Variants in ALDOB observed in about 807,000 individuals in gnomAD.
The protein encoded by ALDOB is fructose-bisphosphate aldolase B.
A neutral mutation model predicts 41.0 loss-of-function variants in ALDOB; 39 were observed. The ratio of observed to expected loss-of-function variants is 0.95; its 90% CI spans 0.74 to 1.24. ALDOB has a LOEUF of 1.24. ALDOB is among the 50% of genes most tolerant of loss of function. The pLI is 0.00. For synonymous variants in ALDOB, 175 were observed against 168.8 expected (o/e 1.04, Z -0.28); for missense variants, 530 against 457.3 (o/e 1.16, Z -1.45).
At chr9:101,421,993 C>T (rs1564076566) in intron 8 of ALDOB, 89 bp from the exon 9 acceptor site, 2 of 1,076,172 alleles carry the variant, frequency 1.9e-6, no homozygotes, top group Non-Finnish European at 2.8e-6. Flanking sequence ...ACCAGTCAAA[C>T]CTTCACTCAG....
intron 3 of ALDOB, among the ~76,000 whole-genome samples, 193 bp downstream of exon 3, chr9:101,429,562 T>C (rs987065835): frequency 6.6e-6 from 1 of 151,982 alleles, no homozygotes; most frequent in Non-Finnish European, 1.5e-5. Context: ...TGTAGAAAAT[T>C]TGAGTGAAAG....
intron 2 of ALDOB, 64 bp from the exon 3 acceptor site, chr9:101,430,030 A>G (rs1831195070): frequency 7.2e-7 from 1 of 1,383,902 alleles, no homozygotes; most frequent in Non-Finnish European, 1.0e-6. Context: ...ACCCTTCTCC[A>G]CATCATCTCA....
chr9:101,427,634 C>T lies in ALDOB; in HGVS notation c.388G>A (p.Gly130Ser). The T allele has an allele frequency of 6.2e-7, 1 of 1,614,098 alleles. No individual in the cohort carries two copies. Among genetic ancestry groups the T allele is most frequent in the Non-Finnish European group, 8.5e-7 (1 of 1,180,024 alleles). The change falls in exon 5 of 9, where the codon GGC (glycine) becomes AGC (serine). Residue 130 changes from glycine to serine, a missense_variant. Physicochemically the swap from Gly to Ser is moderately conservative, Grantham distance 56. Coordinates refer to ENST00000647789, the MANE Select transcript of ALDOB (RefSeq NM_000035.4). ...TACTGAGCACAGCGCTCTGAGAGGCCATCAAGCCCTGCAAGTCACAAAAGA... is the reference window on the plus strand; with the variant it reads ...TACTGAGCACAGCGCTCTGAGAGGCTATCAAGCCCTGCAAGTCACAAAAGA... ...NKETTIQGLD[G>S]LSERCAQYKK... is the part of the protein sequence containing the mutation.
intron 1 of ALDOB, among the ~76,000 whole-genome samples, chr9:101,432,993 T>G (rs1238362216): frequency 3.3e-5 from 5 of 152,248 alleles, no homozygotes; most frequent in Admixed American, 6.5e-5. Flanking sequence ...CAGCTCTGCC[T>G]AATCTAGCTG....
intron 1 of ALDOB, among the ~76,000 whole-genome samples, chr9:101,432,328 C>T (rs917115064): frequency 2.6e-5 from 4 of 152,094 alleles, no homozygotes; most frequent in East Asian, 1.9e-4. Flanking sequence ...CTTCTAAGGC[C>T]CATTATGTCC....
chr9:101,431,861 C>G (rs563829388), intron 1 of ALDOB, among the ~76,000 whole-genome samples: 3 of 152,168 alleles, frequency 2.0e-5, no homozygotes, highest in Non-Finnish European at 4.4e-5. Context: ...TTCTCTCCCT[C>G]CAATACACTC....
Position 101,429,792 on chromosome 9 carries a change from T to C in ALDOB, c.287A>G (p.Asn96Ser), listed in dbSNP as rs1479978704. The change falls in exon 3 of 9, where the codon AAC (asparagine) becomes AGC (serine). Residue 96 changes from asparagine to serine, a missense_variant. Physicochemically the swap from Asn to Ser is conservative, Grantham distance 46. Transcript: ENST00000647789. The stretch of plus-strand genomic sequence containing the variant: ...CACGATCCCCTTTTCCTTGAGGATG[T>C]TTCTGAACAGCTTTCCCTGGCTGTC... ...QKDSQGKLFR[N>S]ILKEKGIVVG... 6.2e-7 allele frequency: 1 copy of C among 1,614,154 alleles called. No homozygotes were observed. The highest frequency in any genetic ancestry group is 1.1e-5 in the South Asian group (1 of 91,074).
At position 101,423,123 on chromosome 9, in the gene ALDOB, A is replaced by G. The variant is rs191528434; in HGVS notation, c.1000-1219T>C. Among the ~76,000 whole-genome samples the G allele has an allele frequency of 1.0e-3, 159 of 152,286 alleles. 1 individual carries two copies. Among genetic ancestry groups the G allele is most frequent in the African/African-American group, 3.7e-3 (154 of 41,556 alleles). On this transcript the variant is annotated intron_variant, in intron 8 of 8. Transcript: ENST00000647789. Reference sequence around the variant, plus strand: ...GCACCCTGCTTTCCACAGTCAAGGTAAAGCACTACTTTGAAAATCTGATAC... The same window carrying G: ...GCACCCTGCTTTCCACAGTCAAGGTGAAGCACTACTTTGAAAATCTGATAC...
Position 101,420,629 on chromosome 9 carries a change from T to C in ALDOB, c.*1180A>G, listed in dbSNP as rs1287828740. ...TTTTTATGATTTACATCCATTTCTT[T>C]TATTACTTAAATAGAATTAAAGCAC... On this transcript the variant is annotated 3_prime_UTR_variant, in exon 9 of 9. Transcript: ENST00000647789. 1 of 152,184 alleles carries C rather than the reference T, an allele frequency of 6.6e-6. No homozygotes were observed. Among genetic ancestry groups the C allele is most frequent in the African/African-American group, 2.4e-5 (1 of 41,454 alleles). 9.4% of individuals were successfully genotyped at this position (152,184 alleles called of 1,614,324 possible).
chr9:101,433,275 T>A (rs575326742), intron 1 of ALDOB, among the ~76,000 whole-genome samples: 1 of 152,364 alleles, frequency 6.6e-6, no homozygotes, highest in Non-Finnish European at 1.5e-5. Flanking sequence ...TACTGCCTAT[T>A]ACTAAACTAT....
At chr9:101,426,756 A>G in intron 5 of ALDOB, 118 bp from the exon 6 acceptor site, 1 of 726,754 alleles carries the variant, frequency 1.4e-6, no homozygotes, top group Non-Finnish European at 2.5e-6. Flanking sequence ...GAAATACTAC[A>G]TAGATGACTT....
intron 5 of ALDOB, 50 bp downstream of exon 5, chr9:101,427,419 AAAGAAAAGCTCTG>A: frequency 6.3e-7 from 1 of 1,592,562 alleles, no homozygotes; most frequent in Non-Finnish European, 8.6e-7. Context: ...GTATAATTGA[AAAGAAAAGCTCTG>A]AAGAAAACTC....
chr9:101,430,668 G>T, intron 2 of ALDOB, 108 bp downstream of exon 2: 4 of 856,178 alleles, frequency 4.7e-6, no homozygotes, highest in Non-Finnish European at 3.8e-6. Context: ...TCCCACTCCC[G>T]TGTACATAAA....
At position 101,425,494 on chromosome 9, in the gene ALDOB, G is replaced by A. The variant is rs764927361; in HGVS notation, c.758C>T (p.Thr253Ile). 3.1e-6 allele frequency: 5 copies of A among 1,614,162 alleles called. No homozygotes were observed. The highest frequency in any genetic ancestry group is 1.3e-5 in the African/African-American group (1 of 75,046). The change falls in exon 7 of 9, where the codon ACC becomes ATC. Residue 253 changes from threonine to isoleucine, a missense_variant. Thr to Ile is a moderately conservative substitution (Grantham distance 89). Coordinates refer to ENST00000647789, the MANE Select transcript of ALDOB (RefSeq NM_000035.4). ...AACAGTACGGTGGAGAGCTGTTACG[G>A]TGGCCATAGCTACTTGTTCTGGAGT... ...KYTPEQVAMA[T>I]VTALHRTVPA... is the part of the protein sequence containing the mutation.
Position 101,421,488 on chromosome 9 carries a change from G to T in ALDOB, c.*321C>A. 1 of 406,046 alleles carries T rather than the reference G, an allele frequency of 2.5e-6. No homozygotes were observed. The highest frequency in any genetic ancestry group is 4.7e-6 in the Non-Finnish European group (1 of 214,790). The allele number at this position is 406,046 out of a possible 1,614,324, so 25.2% of individuals were successfully genotyped here. A position where few individuals can be genotyped will look rare whatever the true frequency, so the allele number is the denominator to read the frequency against. On this transcript the variant is annotated 3_prime_UTR_variant, in exon 9 of 9. Coordinates refer to ENST00000647789, the MANE Select transcript of ALDOB (RefSeq NM_000035.4). ...CTTCTCTACACTCAGCTAATGAGGTGTTTCAATCAGCAGTTGTTCTTTGGA... is the reference window on the plus strand; with the variant it reads ...CTTCTCTACACTCAGCTAATGAGGTTTTTCAATCAGCAGTTGTTCTTTGGA...
rs747298536 is a variant in ALDOB at position 101,426,607 on chromosome 9, A to G, written c.572T>C (p.Val191Ala). Reference protein sequence around the residue: ...NGLVPIVEPEVIPDGDHDLEH... With the variant: ...NGLVPIVEPEAIPDGDHDLEH... ...CAGGTCATGGTCTCCATCAGGAATTACCTCTGGTTCAACAATAGGTACCAG... is the reference window on the plus strand; with the variant it reads ...CAGGTCATGGTCTCCATCAGGAATTGCCTCTGGTTCAACAATAGGTACCAG... The change falls in exon 6 of 9, where the codon GTA (valine) becomes GCA (alanine). Residue 191 changes from valine (V) to alanine (A), a missense_variant. By Grantham distance (64) the Val-to-Ala change is moderately conservative. Coordinates refer to ENST00000647789, the MANE Select transcript of ALDOB (RefSeq NM_000035.4). 6.2e-7 allele frequency: 1 copy of G among 1,613,064 alleles called. No individual in the cohort carries two copies. Among genetic ancestry groups the G allele is most frequent in the African/African-American group, 1.3e-5 (1 of 74,910 alleles).
intron 2 of ALDOB, 68 bp from the exon 3 acceptor site, chr9:101,430,034 CAT>C: frequency 7.6e-7 from 1 of 1,320,916 alleles, no homozygotes; most frequent in Non-Finnish European, 1.1e-6. Flanking sequence ...TTCTCCACAT[CAT>C]CTCAGAGACC....
chr9:101,424,091 T>C (rs1244111387), intron 8 of ALDOB, among the ~76,000 whole-genome samples: 1 of 152,072 alleles, frequency 6.6e-6, no homozygotes, highest in Non-Finnish European at 1.5e-5. Context: ...TTCTTTTGAA[T>C]CTCTCTATAG....
At chr9:101,423,800 G>T (rs1003860104) in intron 8 of ALDOB, among the ~76,000 whole-genome samples, 6 of 152,038 alleles carry the variant, frequency 3.9e-5, no homozygotes, top group African/African-American at 1.4e-4. Context: ...ATTTAAACAT[G>T]CCAAGCTCTC....
Sources: gnomAD v4.1 joint callset for allele counts (sites outside exome capture counted in the v4.1 genomes callset) on GRCh38, gnomAD v4.1.1 for gene constraint, MANE v1.5 for transcripts, NCBI Gene and HGNC (gene_info 2026-07-23, HGNC 2026-07-21) for gene names.